The following ANKRD45 variants were observed in gnomAD, a reference collection of about 807,000 sequenced individuals.
ANKRD45 encodes ankyrin repeat domain 45.
Under a neutral mutation model 28.1 loss-of-function variants are expected in ANKRD45, and 21 were observed. The observed-to-expected ratio is 0.75, with a 90% CI of 0.53 to 1.08. The LOEUF (loss-of-function observed/expected upper bound fraction) is 1.08, where lower values mean the gene tolerates loss of function less well. Among genes scored for constraint, ANKRD45 ranks in the 50% least tolerant of loss-of-function variants. ANKRD45 has a pLI of 0.00. For missense variants in ANKRD45, 261 were observed against 308.7 expected, an observed-to-expected ratio of 0.85 and a Z score of 1.16; for synonymous variants, 86 against 103.9, an observed-to-expected ratio of 0.83 and a Z score of 1.05.
At chr1:173,650,966 A>C (rs2102368692) in intron 2 of ANKRD45, among the ~76,000 whole-genome samples, 1 of 152,184 alleles carries the variant, frequency 6.6e-6, no homozygotes, top group Non-Finnish European at 1.5e-5. Flanking sequence ...AAATTTGTTT[A>C]AGTTCTTTGC....
intron 5 of ANKRD45, 39 bp from the exon 6 acceptor site, chr1:173,610,254 T>C (rs371832059): frequency 2.1e-5 from 34 of 1,585,704 alleles, no homozygotes; most frequent in Middle Eastern, 3.4e-4. Context: ...TTTAATTAGT[T>C]TGCAATATGA....
chr1:173,643,555 T>C (rs957433777), intron 3 of ANKRD45, among the ~76,000 whole-genome samples: 1 of 152,134 alleles, frequency 6.6e-6, no homozygotes, highest in Non-Finnish European at 1.5e-5. Context: ...TTAAAGAATA[T>C]ATTAATTTTT....
chr1:173,711,990 T>G, the ANKRD45 span, among the ~76,000 whole-genome samples: 1 of 152,200 alleles, frequency 6.6e-6, no homozygotes, highest in Non-Finnish European at 1.5e-5. Context: ...TAGTAACATT[T>G]TTATACCATA....
intron 2 of ANKRD45, among the ~76,000 whole-genome samples, chr1:173,651,179 C>A (rs1213230614): frequency 6.6e-6 from 1 of 152,144 alleles, no homozygotes; most frequent in African/African-American, 2.4e-5. Context: ...TGCCTATGTC[C>A]TGAATGGTAA....
chr1:173,668,985 A>G lies in ANKRD45; in HGVS notation c.-16+832T>C, dbSNP rs1395711384. ...CTGCCTTACTAAATAAGTGTAGAAAAATCTATAAACTTTTCTTTTTAACTA... is the reference window on the plus strand; with the variant it reads ...CTGCCTTACTAAATAAGTGTAGAAAGATCTATAAACTTTTCTTTTTAACTA... On this transcript the variant is annotated intron_variant, in intron 1 of 5. Transcript: ENST00000333279. 2.6e-5 allele frequency among the ~76,000 whole-genome samples: 4 copies of G among 152,282 alleles called. No homozygotes were observed. In the East Asian group the frequency reaches 7.7e-4, roughly 29 times the overall value.
intron 3 of ANKRD45, among the ~76,000 whole-genome samples, chr1:173,642,263 G>A (rs185898857): frequency 1.1e-4 from 17 of 152,202 alleles, no homozygotes; most frequent in Admixed American, 8.5e-4. Flanking sequence ...ATTCTCATAG[G>A]CTGTTGTATT....
the ANKRD45 span, among the ~76,000 whole-genome samples, chr1:173,702,258 G>A: frequency 6.6e-6 from 1 of 152,118 alleles, no homozygotes; most frequent in Non-Finnish European, 1.5e-5. Context: ...TGAAGATCAG[G>A]GTTAAAATCA....
At position 173,638,221 on chromosome 1, in the gene ANKRD45, A is replaced by G. The variant is rs983597667; in HGVS notation, c.496+8625T>C. On this transcript the variant is annotated intron_variant, in intron 3 of 5. Transcript: ENST00000333279. ...AGGAAGGTTAACCTCCCAGGGAAAG[A>G]GAATCGGCGAGACATCTCTGGTGTG... is the stretch of plus-strand genomic sequence containing the variant. Among the ~76,000 whole-genome samples the G allele has an allele frequency of 5.3e-4, 81 of 152,234 alleles. 1 individual carries two copies. Among genetic ancestry groups the G allele is most frequent in the African/African-American group, 1.8e-3 (75 of 41,546 alleles).
intron 3 of ANKRD45, chr1:173,635,530 T>C: frequency 6.6e-7 from 1 of 1,522,840 alleles, no homozygotes; most frequent in Non-Finnish European, 8.8e-7. Context: ...GGATGTCTAA[T>C]CAAAGACTAC....
intron 2 of ANKRD45, among the ~76,000 whole-genome samples, chr1:173,650,874 T>G (rs77905378): frequency 0.42 from 64,629 of 152,120 alleles, 17,296 homozygotes; most frequent in African/African-American, 0.75. Flanking sequence ...TCATGTGTCT[T>G]TTGGCTGCAG....
intron 5 of ANKRD45, among the ~76,000 whole-genome samples, chr1:173,622,119 G>A (rs1667733130): frequency 6.6e-6 from 1 of 152,024 alleles, no homozygotes. Flanking sequence ...ACAACCTCTT[G>A]AAGGAGAACT....
At chr1:173,704,805 T>C in the ANKRD45 span, among the ~76,000 whole-genome samples, 1 of 152,188 alleles carries the variant, frequency 6.6e-6, no homozygotes, top group Non-Finnish European at 1.5e-5. Flanking sequence ...TATTCTGAGA[T>C]GGAGTTTAGT....
the ANKRD45 span, among the ~76,000 whole-genome samples, chr1:173,704,934 C>G: frequency 3.8e-3 from 586 of 152,330 alleles, 4 homozygotes; most frequent in African/African-American, 0.012. Flanking sequence ...TGCAGCCCCT[C>G]TGGGAAGCTC....
Position 173,623,365 on chromosome 1 carries a change from A to G in ANKRD45, c.730+1422T>C, listed in dbSNP as rs528453211. On this transcript the variant is annotated intron_variant, in intron 5 of 5. Coordinates refer to ENST00000333279, the MANE Select transcript of ANKRD45 (RefSeq NM_198493.3). ...GTAAACAAACATGAAAAAAAGCTCA[A>G]CATCACTGATCATTAGAGAAATGCG... is the stretch of plus-strand genomic sequence containing the variant. 2.0e-5 allele frequency among the ~76,000 whole-genome samples: 3 copies of G among 152,208 alleles called. No individual in the cohort carries two copies. In the East Asian group the frequency reaches 5.8e-4, roughly 29 times the overall value.
chr1:173,620,973 T>G (rs12059094), intron 5 of ANKRD45, among the ~76,000 whole-genome samples: 64,529 of 151,928 alleles, frequency 0.42, 17,264 homozygotes, highest in African/African-American at 0.75. Context: ...AATGATAAAG[T>G]TGATATCACC....
chr1:173,611,513 C>T (rs1667147515), intron 5 of ANKRD45, among the ~76,000 whole-genome samples: 1 of 149,972 alleles, frequency 6.7e-6, no homozygotes, highest in South Asian at 2.1e-4. Flanking sequence ...ACATAAAAAT[C>T]TTAGGTACTG....
rs1450097908 is a variant in ANKRD45 at position 173,624,886 on chromosome 1, A to G, written c.631T>C (p.Leu211=). The G allele has an allele frequency of 1.9e-6, 3 of 1,613,672 alleles. No individual in the cohort carries two copies. The highest frequency in any genetic ancestry group is 2.5e-6 in the Non-Finnish European group (3 of 1,179,796). ...ATGGAAGCTTCTGTATGGGTTTCCA[A>G]CCACTCATTTTTTGCACGGCATGCA... The part of the protein sequence containing the change: ...LSACRAKNEW[L]ETHTEASINE... Residue 211 remains leucine, a synonymous_variant, in exon 5 of 6, where the codon TTG becomes CTG. Coordinates refer to ENST00000333279, the MANE Select transcript of ANKRD45 (RefSeq NM_198493.3).
chr1:173,659,846 C>T (rs751787039), intron 1 of ANKRD45, among the ~76,000 whole-genome samples: 9 of 152,026 alleles, frequency 5.9e-5, no homozygotes, highest in African/African-American at 1.9e-4. Context: ...AATTAGGCAA[C>T]GACATTTAAA....
intron 2 of ANKRD45, among the ~76,000 whole-genome samples, chr1:173,647,464 T>C (rs1571747607): frequency 6.6e-6 from 1 of 152,230 alleles, no homozygotes; most frequent in Non-Finnish European, 1.5e-5. Context: ...CAACTGTGTA[T>C]ACCTTAGGTT....
Sources: gnomAD v4.1 joint callset for allele counts (sites outside exome capture counted in the v4.1 genomes callset) on GRCh38, gnomAD v4.1.1 for gene constraint, MANE v1.5 for transcripts, NCBI Gene and HGNC (gene_info 2026-07-23, HGNC 2026-07-21) for gene names.